ITGB6: variants seen among roughly 807,000 people sequenced by gnomAD.
ITGB6 encodes integrin beta-6.
ITGB6 carries 80 observed loss-of-function variants against 84.5 expected under a neutral mutation model. That is an observed-to-expected ratio of 0.95 (90% CI 0.79 to 1.14). ITGB6 has a LOEUF of 1.14. Ranked by LOEUF, ITGB6 falls within the 50% of genes most tolerant of loss-of-function variation. The pLI, the probability that ITGB6 is intolerant of heterozygous loss-of-function variation, is 0.00. For synonymous variants in ITGB6, 383 were observed against 354.9 expected, an observed-to-expected ratio of 1.08 and a Z score of -0.89; for missense variants, 1,006 against 968.0, an observed-to-expected ratio of 1.04 and a Z score of -0.52.
At chr2:160,118,233 A>G (rs1682871350) in intron 12 of ITGB6, among the ~76,000 whole-genome samples, 1 of 152,232 alleles carries the variant, frequency 6.6e-6, no homozygotes, top group Non-Finnish European at 1.5e-5. Flanking sequence ...TTAAACAAAT[A>G]TCCTTGACGA....
chr2:160,104,041 G>C (rs76737990), intron 14 of ITGB6, among the ~76,000 whole-genome samples: 2,743 of 152,262 alleles, frequency 0.018, 44 homozygotes, highest in Non-Finnish European at 0.024. Context: ...GTTTAATTTT[G>C]ATGGCAGAGT....
intron 1 of ITGB6, 88 bp from the exon 2 acceptor site, chr2:160,199,346 A>G: frequency 2.1e-6 from 2 of 943,662 alleles, no homozygotes; most frequent in East Asian, 2.4e-5. Context: ...TTACTTGAAC[A>G]AAACAACATC....
chr2:160,125,436 C>T lies in ITGB6; in HGVS notation c.1883+943G>A, dbSNP rs138372859. Among the ~76,000 whole-genome samples, 22 of 152,248 alleles carry T rather than the reference C, an allele frequency of 1.4e-4. No individual in the cohort carries two copies. In the East Asian group the frequency reaches 4.0e-3, roughly 28 times the overall value. On this transcript the variant is annotated intron_variant, in intron 11 of 14. Transcript: ENST00000283249. ...TAAAACAGAAAAGTAATAGAAGAAACACCTTGAAGGGACATTTTCCATTAG... is the reference window on the plus strand; with the variant it reads ...TAAAACAGAAAAGTAATAGAAGAAATACCTTGAAGGGACATTTTCCATTAG...
intron 7 of ITGB6, among the ~76,000 whole-genome samples, chr2:160,161,745 C>G (rs1420114561): frequency 6.6e-6 from 1 of 152,098 alleles, no homozygotes. Context: ...AAAAGAGTAA[C>G]TTAAAGTTTC....
chr2:160,191,445 T>G (rs1447537936), intron 4 of ITGB6, among the ~76,000 whole-genome samples: 1 of 152,160 alleles, frequency 6.6e-6, no homozygotes, highest in African/African-American at 2.4e-5. Context: ...ACCTCTTAAG[T>G]TGGGGCAATA....
At chr2:160,182,791 C>G (rs537592262) in intron 4 of ITGB6, among the ~76,000 whole-genome samples, 1 of 152,200 alleles carries the variant, frequency 6.6e-6, no homozygotes, top group Admixed American at 6.5e-5. Flanking sequence ...AACAGCATAT[C>G]TCTCTGCAGA....
intron 13 of ITGB6, 35 bp downstream of exon 13, chr2:160,112,045 C>A (rs372988408): frequency 7.5e-6 from 12 of 1,607,110 alleles, no homozygotes; most frequent in South Asian, 3.3e-5. Context: ...TGTGTAGTAT[C>A]ATTTGCCATC....
intron 10 of ITGB6, among the ~76,000 whole-genome samples, chr2:160,131,723 C>T (rs986933484): frequency 1.1e-4 from 17 of 152,096 alleles, no homozygotes; most frequent in South Asian, 6.2e-4. Context: ...TGAAGGAAAT[C>T]GGCATTGGTG....
chr2:160,123,128 G>T, intron 12 of ITGB6, among the ~76,000 whole-genome samples: 1 of 152,178 alleles, frequency 6.6e-6, no homozygotes, highest in Non-Finnish European at 1.5e-5. Context: ...TTAAATATTT[G>T]AGGTGAAACT....
Position 160,137,958 on chromosome 2 carries a change from T to C in ITGB6, c.1242+107A>G, listed in dbSNP as rs2105819364. ...CCAAAAGCATTTACTAGAAAATCTT[T>C]GAAAATTGCTTTTAAAATTCTTGAA... On this transcript the variant is annotated intron_variant, in intron 9 of 14. Transcript: ENST00000283249. The C allele has an allele frequency of 5.2e-6, 8 of 1,529,878 alleles. No homozygotes were observed. The East Asian group carries it at 6.8e-5, about 13-fold the overall frequency. The allele number at this position is 1,529,878 out of a possible 1,614,324, so 94.8% of individuals were successfully genotyped here. A position where few individuals can be genotyped will look rare whatever the true frequency, so the allele number is the denominator to read the frequency against.
At chr2:160,147,144 CA>C (rs1470879451) in intron 7 of ITGB6, among the ~76,000 whole-genome samples, 1 of 140,098 alleles carries the variant, frequency 7.1e-6, no homozygotes, top group Non-Finnish European at 1.6e-5. Context: ...GAAGGAGAAA[CA>C]AAGTAAGAAA....
At position 160,195,429 on chromosome 2, in the gene ITGB6, A is replaced by C; in HGVS notation, c.533T>G (p.Val178Gly). The change falls in exon 4 of 15, where the codon GTG becomes GGG. Residue 178 changes from valine to glycine, a missense_variant. Transcript: ENST00000283249. The part of the protein sequence containing the change: ...SNFRLGFGSF[V>G]EKPVSPFVKT... ...CACAAAAGGGGATACAGGTTTTTCC[A>C]CAAAAGATCCGAAGCCCAGTCTAAA... 1 of 1,614,208 alleles carries C rather than the reference A, an allele frequency of 6.2e-7. No homozygotes were observed. Among genetic ancestry groups the C allele is most frequent in the South Asian group, 1.1e-5 (1 of 91,090 alleles).
chr2:160,193,984 C>T (rs1314211182), intron 4 of ITGB6, among the ~76,000 whole-genome samples: 1 of 152,166 alleles, frequency 6.6e-6, no homozygotes. Flanking sequence ...TAGCGAAACC[C>T]AGTCACTACT....
rs552610504 is a variant in ITGB6 at position 160,100,425 on chromosome 2, T to C, written c.*1311A>G. 2 of 152,370 alleles carry C rather than the reference T, an allele frequency of 1.3e-5. No individual in the cohort carries two copies. The highest frequency in any genetic ancestry group is 4.1e-4 in the South Asian group (2 of 4,826). 9.4% of individuals were successfully genotyped at this position (152,370 alleles called of 1,614,324 possible). A position where few individuals can be genotyped will look rare whatever the true frequency, so the allele number is the denominator to read the frequency against. ...TCACTTAACTAACACAATCTTTCTA[T>C]TATTTCACTGACAAAAGAGGCAGTT... On this transcript the variant is annotated 3_prime_UTR_variant, in exon 15 of 15. Coordinates refer to ENST00000283249, the MANE Select transcript of ITGB6 (RefSeq NM_000888.5).
intron 7 of ITGB6, among the ~76,000 whole-genome samples, chr2:160,150,356 T>C (rs1409338307): frequency 6.6e-6 from 1 of 152,166 alleles, no homozygotes; most frequent in African/African-American, 2.4e-5. Flanking sequence ...CCAGCCAAAC[T>C]AAGCTTCATA....
At chr2:160,192,938 G>T (rs1035741856) in intron 4 of ITGB6, among the ~76,000 whole-genome samples, 3 of 152,068 alleles carry the variant, frequency 2.0e-5, no homozygotes, top group African/African-American at 7.2e-5. Flanking sequence ...ACAATGAGAT[G>T]CTACCCCACA....
At chr2:160,196,161 C>T (rs1392511437) in intron 3 of ITGB6, 55 bp downstream of exon 3, 2 of 1,391,952 alleles carry the variant, frequency 1.4e-6, no homozygotes, top group Non-Finnish European at 2.0e-6. Flanking sequence ...AGCAAGGTAG[C>T]AGAATTACCA....
chr2:160,122,057 G>C (rs1323222633), intron 12 of ITGB6, among the ~76,000 whole-genome samples: 1 of 151,878 alleles, frequency 6.6e-6, no homozygotes, highest in South Asian at 2.1e-4. Context: ...TTATAAAAAG[G>C]CTCATTAGAA....
chr2:160,114,947 G>A (rs1200841008), intron 12 of ITGB6, among the ~76,000 whole-genome samples: 1 of 152,246 alleles, frequency 6.6e-6, no homozygotes, highest in Non-Finnish European at 1.5e-5. Flanking sequence ...GAGGCTGGGG[G>A]AGGGGCACCT....
Sources: allele counts gnomAD v4.1 joint callset (sites outside exome capture counted in the v4.1 genomes callset), GRCh38; gene constraint gnomAD v4.1.1; transcripts MANE v1.5; gene names NCBI Gene and HGNC (gene_info 2026-07-23, HGNC 2026-07-21).